GALNT10: variants seen among roughly 807,000 people sequenced by gnomAD.
GALNT10 encodes GalNAc transferase 10.
GALNT10 carries 41 observed loss-of-function variants against 75.0 expected under a neutral mutation model. The observed-to-expected ratio is 0.55, with a 90% CI of 0.43 to 0.71. GALNT10 has a LOEUF of 0.71. Ranked by LOEUF, GALNT10 falls within the 30% of genes least tolerant of loss-of-function variation. The pLI, the probability that GALNT10 is intolerant of heterozygous loss-of-function variation, is 0.00. For synonymous variants in GALNT10, 302 were observed against 313.0 expected, an observed-to-expected ratio of 0.96 and a Z score of 0.37; for missense variants, 727 against 818.5, an observed-to-expected ratio of 0.89 and a Z score of 1.36.
intron 1 of GALNT10, among the ~76,000 whole-genome samples, chr5:154,293,613 A>ATTTTTTTTTTTTTTTTTTTTTTTTTTTT (rs1201863629): frequency 9.1e-6 from 1 of 109,358 alleles, no homozygotes; most frequent in Non-Finnish European, 1.9e-5. Context: ...ATATATATAT[A>ATTTTTTTTTTTTTTTTTTTTTTTTTTTT]TTTTTTTTTT....
chr5:154,205,115 C>T (rs867133572), intron 1 of GALNT10, among the ~76,000 whole-genome samples: 3 of 152,214 alleles, frequency 2.0e-5, no homozygotes, highest in Non-Finnish European at 2.9e-5. Context: ...CACACTTTCA[C>T]CCTAAGGGGC....
At chr5:154,215,430 C>T (rs1326701340) in intron 1 of GALNT10, among the ~76,000 whole-genome samples, 1 of 151,862 alleles carries the variant, frequency 6.6e-6, no homozygotes, top group East Asian at 1.9e-4. Flanking sequence ...TGCAGTGAGC[C>T]GAGATGGCGC....
At chr5:154,230,045 A>G (rs1461515111) in intron 1 of GALNT10, among the ~76,000 whole-genome samples, 1 of 124,812 alleles carries the variant, frequency 8.0e-6, no homozygotes, top group African/African-American at 2.6e-5. Flanking sequence ...CCAGTGGGAA[A>G]AAGGCAGTGT....
intron 4 of GALNT10, among the ~76,000 whole-genome samples, chr5:154,332,664 G>A (rs1430809705): frequency 1.3e-5 from 2 of 152,156 alleles, no homozygotes; most frequent in African/African-American, 4.8e-5. Flanking sequence ...GAGGAGGGAG[G>A]GAGGAAATGT....
At position 154,415,947 on chromosome 5, in the gene GALNT10, G is replaced by C. The variant is rs367619452; in HGVS notation, c.1653+15G>C. The stretch of plus-strand genomic sequence containing the variant: ...AATACCGCAAAGTAAGATGGGATGC[G>C]GGGGGAGCAGGGCACCTGCTTAATT... On this transcript the variant is annotated intron_variant, in intron 11 of 11. Coordinates refer to ENST00000297107, the MANE Select transcript of GALNT10 (RefSeq NM_198321.4). The C allele has an allele frequency of 9.3e-6, 15 of 1,611,010 alleles. No individual in the cohort carries two copies. The highest frequency in any genetic ancestry group is 1.3e-5 in the Non-Finnish European group (15 of 1,177,954).
At chr5:154,217,149 C>G (rs10064563) in intron 1 of GALNT10, among the ~76,000 whole-genome samples, 2,428 of 152,292 alleles carry the variant, frequency 0.016, 54 homozygotes, top group African/African-American at 0.056. Flanking sequence ...GGTCAGGCAG[C>G]CCCCACTTCC....
At chr5:154,243,208 T>A (rs2122895) in intron 1 of GALNT10, among the ~76,000 whole-genome samples, 1 of 152,028 alleles carries the variant, frequency 6.6e-6, no homozygotes, top group South Asian at 2.1e-4. Flanking sequence ...TGATTAGCAG[T>A]GTGCCTGGTA....
At chr5:154,249,398 A>G (rs17096217) in intron 1 of GALNT10, among the ~76,000 whole-genome samples, 96,284 of 151,986 alleles carry the variant, frequency 0.63, 31,136 homozygotes, top group East Asian at 0.86. Context: ...GCACACACCA[A>G]TATTAATACC....
chr5:154,327,562 G>T (rs113735116), intron 3 of GALNT10, among the ~76,000 whole-genome samples: 31 of 152,356 alleles, frequency 2.0e-4, no homozygotes, highest in African/African-American at 7.2e-4. Context: ...AACTGCATTT[G>T]ATTGAAACAC....
At chr5:154,302,705 T>C (rs999631889) in intron 3 of GALNT10, among the ~76,000 whole-genome samples, 1 of 152,230 alleles carries the variant, frequency 6.6e-6, no homozygotes, top group Admixed American at 6.5e-5. Context: ...GAACCTGTGT[T>C]GCAACAAAAG....
intron 1 of GALNT10, among the ~76,000 whole-genome samples, chr5:154,228,730 C>T (rs926862701): frequency 6.6e-6 from 1 of 152,244 alleles, no homozygotes; most frequent in Admixed American, 6.5e-5. Flanking sequence ...AACTGCCAAA[C>T]TCCCACCTTG....
intron 1 of GALNT10, among the ~76,000 whole-genome samples, chr5:154,212,829 G>A (rs1581920751): frequency 6.6e-6 from 1 of 152,196 alleles, no homozygotes; most frequent in South Asian, 2.1e-4. Flanking sequence ...TTAGCCAGGC[G>A]TGGTGACAGG....
chr5:154,350,329 A>G (rs1200543319), intron 4 of GALNT10, among the ~76,000 whole-genome samples: 2 of 152,230 alleles, frequency 1.3e-5, no homozygotes, highest in African/African-American at 4.8e-5. Context: ...TCCGCAGTCC[A>G]CAGCTCAAAC....
chr5:154,336,913 C>T (rs1369100391), intron 4 of GALNT10, among the ~76,000 whole-genome samples: 1 of 152,142 alleles, frequency 6.6e-6, no homozygotes, highest in East Asian at 1.9e-4. Flanking sequence ...TATCAGACCT[C>T]TTCTTTCTAC....
chr5:154,353,268 C>T (rs995601682), intron 4 of GALNT10, among the ~76,000 whole-genome samples: 1 of 151,988 alleles, frequency 6.6e-6, no homozygotes, highest in Non-Finnish European at 1.5e-5. Context: ...CAATTATGAG[C>T]GAAAACAGAT....
intron 1 of GALNT10, among the ~76,000 whole-genome samples, chr5:154,227,205 CA>C (rs1246984178): frequency 6.6e-6 from 1 of 152,176 alleles, no homozygotes; most frequent in Non-Finnish European, 1.5e-5. Context: ...GGTAAATACC[CA>C]GGAGTAGAAT....
chr5:154,360,487 T>TC (rs1755368626), intron 4 of GALNT10, among the ~76,000 whole-genome samples: 1 of 148,270 alleles, frequency 6.7e-6, no homozygotes, highest in South Asian at 2.1e-4. Flanking sequence ...CCGCACTGGA[T>TC]CCACATGACA....
chr5:154,219,871 A>ACACACAC, intron 1 of GALNT10, among the ~76,000 whole-genome samples: 1 of 93,356 alleles, frequency 1.1e-5, no homozygotes, highest in Non-Finnish European at 2.6e-5. Flanking sequence ...CACACACCAC[A>ACACACAC]GAGAGAGAGG....
chr5:154,390,510 C>T lies in GALNT10; in HGVS notation c.1056+4080C>T, dbSNP rs114726927. 8.9e-3 allele frequency among the ~76,000 whole-genome samples: 1,349 copies of T among 152,332 alleles called. 16 individuals are homozygous for T. The highest frequency in any genetic ancestry group is 0.031 in the African/African-American group (1,273 of 41,572). On this transcript the variant is annotated intron_variant, in intron 7 of 11. Transcript: ENST00000297107. ...GAGAACCTTTCTAAAAGCCTCCTCC[C>T]AGGCTACAGGCCTTGGTCTATAATC... is the stretch of plus-strand genomic sequence containing the variant.
Sources: allele counts gnomAD v4.1 joint callset (sites outside exome capture counted in the v4.1 genomes callset), GRCh38; gene constraint gnomAD v4.1.1; transcripts MANE v1.5; gene names NCBI Gene and HGNC (gene_info 2026-07-23, HGNC 2026-07-21).